Variants in ALDH9A1 observed in about 807,000 individuals in gnomAD.
The protein encoded by ALDH9A1 is aldehyde dehydrogenase 9 family member A1.
A neutral mutation model predicts 56.6 loss-of-function variants in ALDH9A1; 42 were observed. That is an observed-to-expected ratio of 0.74 (90% CI 0.58 to 0.96). ALDH9A1 has a LOEUF of 0.96. Among genes scored for constraint, ALDH9A1 ranks in the 40% least tolerant of loss-of-function variants. ALDH9A1 has a pLI of 0.00. For missense variants in ALDH9A1, 661 were observed against 651.5 expected, an observed-to-expected ratio of 1.01 and a Z score of -0.16; for synonymous variants, 242 against 236.0, an observed-to-expected ratio of 1.03 and a Z score of -0.23.
intron 1 of ALDH9A1, among the ~76,000 whole-genome samples, chr1:165,697,935 G>T (rs1022724271): frequency 2.6e-5 from 4 of 152,096 alleles, no homozygotes; most frequent in African/African-American, 4.8e-5. Context: ...AGGCTGAGGC[G>T]GGAGAAGCAC....
chr1:165,664,948 G>T, intron 10 of ALDH9A1, 70 bp downstream of exon 10: 2 of 1,217,978 alleles, frequency 1.6e-6, no homozygotes, highest in Non-Finnish European at 1.2e-6. Context: ...TAGGAATACT[G>T]GTTTATAAGG....
chr1:165,665,179 C>T, intron 9 of ALDH9A1, 49 bp from the exon 10 acceptor site: 2 of 1,475,950 alleles, frequency 1.4e-6, no homozygotes, highest in Non-Finnish European at 1.9e-6. Flanking sequence ...TCTTAGGCTA[C>T]TACTTTAACA....
intron 8 of ALDH9A1, 58 bp from the exon 9 acceptor site, chr1:165,667,508 C>A: frequency 1.3e-6 from 2 of 1,584,252 alleles, no homozygotes; most frequent in Non-Finnish European, 1.7e-6. Flanking sequence ...GCACCACCAC[C>A]CCCAGCTAAT....
At chr1:165,694,527 T>G (rs1650001374) in intron 2 of ALDH9A1, among the ~76,000 whole-genome samples, 1 of 152,068 alleles carries the variant, frequency 6.6e-6, no homozygotes, top group Non-Finnish European at 1.5e-5. Context: ...AGGGAACATC[T>G]ACAAATCTAT....
At chr1:165,682,948 T>C (rs764469244) in intron 3 of ALDH9A1, 33 bp downstream of exon 3, 2 of 1,606,944 alleles carry the variant, frequency 1.2e-6, no homozygotes, top group Non-Finnish European at 1.7e-6. Context: ...TGCCTCATTA[T>C]CAGCTGGTCA....
chr1:165,695,188 C>T, intron 2 of ALDH9A1, 64 bp downstream of exon 2: 1 of 1,497,276 alleles, frequency 6.7e-7, no homozygotes, highest in African/African-American at 1.4e-5. Context: ...AGTCGAACTG[C>T]AAACATCACA....
intron 2 of ALDH9A1, among the ~76,000 whole-genome samples, chr1:165,686,259 C>T (rs561369597): frequency 1.3e-5 from 2 of 152,242 alleles, no homozygotes; most frequent in East Asian, 3.9e-4. Context: ...CTGGAGTCTA[C>T]TGCCTAGAGA....
Position 165,669,334 on chromosome 1 carries a change from T to C in ALDH9A1, c.1047A>G (p.Thr349=), listed in dbSNP as rs556863426. The C allele has an allele frequency of 9.9e-6, 16 of 1,614,092 alleles. No individual in the cohort carries two copies. The South Asian group carries it at 1.6e-4, about 17-fold the overall frequency. ...GTCGGTTGATGAGTGGACCCATCCT[T>C]GTATCTTCCAGAAGGGGATCTCCAA... The part of the protein sequence containing the change: ...IKIGDPLLED[T]RMGPLINRPH... Residue 349 remains threonine (T), a synonymous_variant, in exon 7 of 11, where the codon ACA becomes ACG. Coordinates refer to ENST00000354775, the MANE Select transcript of ALDH9A1 (RefSeq NM_000696.4).
In ALDH9A1 at chr1:165,695,325, G is replaced by C. The variant is rs1489054379; in HGVS notation, c.254C>G (p.Ala85Gly). The change falls in exon 2 of 11, where the codon GCT (alanine) becomes GGT (glycine). Residue 85 changes from alanine to glycine, a missense_variant. Physicochemically the swap from Ala to Gly is moderately conservative, Grantham distance 60. Transcript: ENST00000354775. ...VNLAVQNAKA[A>G]FKIWSQKSGM... ...AGATTTTTGACTCCATATTTTAAAA[G>C]CAGCCTTTGCATTTTGAACAGCCAA... 6.2e-7 allele frequency: 1 copy of C among 1,613,060 alleles called. No homozygotes were observed. Among genetic ancestry groups the C allele is most frequent in the Non-Finnish European group, 8.5e-7 (1 of 1,179,592 alleles).
chr1:165,669,468 G>T lies in ALDH9A1; in HGVS notation c.931-18C>A. The stretch of plus-strand genomic sequence containing the variant: ...CAGCAAACCTAAAGGACAAACACAA[G>T]ACATCAATTTCTATGTGTGTAAGGA... On this transcript the variant is annotated intron_variant, in intron 6 of 10. Transcript: ENST00000354775. 3 of 1,587,420 alleles carry T rather than the reference G, an allele frequency of 1.9e-6. No homozygotes were observed. Among genetic ancestry groups the T allele is most frequent in the Non-Finnish European group, 2.6e-6 (3 of 1,167,902 alleles).
chr1:165,684,639 C>T (rs774610219), intron 2 of ALDH9A1, among the ~76,000 whole-genome samples: 1 of 152,158 alleles, frequency 6.6e-6, no homozygotes, highest in Non-Finnish European at 1.5e-5. Context: ...CAAGAGGAAA[C>T]TAGGCCCTAG....
chr1:165,676,918 T>C (rs1649381520), intron 6 of ALDH9A1: 1 of 202,316 alleles, frequency 4.9e-6, no homozygotes, highest in Admixed American at 5.7e-5. Context: ...TTGTGTAATG[T>C]CTTTACTGTT....
At chr1:165,679,678 G>A (rs1019338619) in intron 5 of ALDH9A1, 96 bp from the exon 6 acceptor site, 1 of 1,297,792 alleles carries the variant, frequency 7.7e-7, no homozygotes, top group Non-Finnish European at 1.1e-6. Flanking sequence ...ATCTTGAACT[G>A]TTTGTGACCT....
At chr1:165,695,014 A>G (rs972939548) in intron 2 of ALDH9A1, among the ~76,000 whole-genome samples, 1 of 152,166 alleles carries the variant, frequency 6.6e-6, no homozygotes, top group Non-Finnish European at 1.5e-5. Flanking sequence ...GTGCATTATA[A>G]TTCAAAACAA....
intron 2 of ALDH9A1, among the ~76,000 whole-genome samples, chr1:165,689,361 C>T (rs4646885): frequency 0.31 from 47,254 of 152,062 alleles, 7,694 homozygotes; most frequent in South Asian, 0.55. Flanking sequence ...AAATGTAAAC[C>T]TCTTTACTTC....
At chr1:165,672,814 A>T (rs986800957) in intron 6 of ALDH9A1, among the ~76,000 whole-genome samples, 1 of 151,904 alleles carries the variant, frequency 6.6e-6, no homozygotes, top group Non-Finnish European at 1.5e-5. Context: ...CCACATGCCT[A>T]TAGTCCCAGC....
intron 2 of ALDH9A1, among the ~76,000 whole-genome samples, chr1:165,691,973 G>C (rs1239842742): frequency 6.6e-6 from 1 of 151,986 alleles, no homozygotes; most frequent in Non-Finnish European, 1.5e-5. Flanking sequence ...CAAAAACCAC[G>C]ACTATCTCAA....
Position 165,682,260 on chromosome 1 carries a change from T to C in ALDH9A1, c.458-19A>G. 6.2e-7 allele frequency: 1 copy of C among 1,611,296 alleles called. No individual in the cohort carries two copies. Among genetic ancestry groups the C allele is most frequent in the Non-Finnish European group, 8.5e-7 (1 of 1,178,966 alleles). ...TGTTCACCTATGGGGAAAACAGGAG[T>C]AAAGGAGGATGCAGGTCTGTGCTCC... On this transcript the variant is annotated intron_variant, in intron 3 of 10. Coordinates refer to ENST00000354775, the MANE Select transcript of ALDH9A1 (RefSeq NM_000696.4).
At position 165,667,288 on chromosome 1, in the gene ALDH9A1, TCA is replaced by T. The variant is rs764876802; in HGVS notation, c.1349+19_1349+20del. On this transcript the variant is annotated intron_variant, in intron 9 of 10. Transcript: ENST00000354775. ...CAGCCCCGCTCCTTCAAAACTGCTC[TCA>T]GTGTCCCACTCCACATACCTGGTAA... The T allele has an allele frequency of 6.8e-6, 11 of 1,613,722 alleles. No individual in the cohort carries two copies. Among genetic ancestry groups the T allele is most frequent in the Non-Finnish European group, 9.3e-6 (11 of 1,179,760 alleles).
Sources: gnomAD v4.1 joint callset for allele counts (sites outside exome capture counted in the v4.1 genomes callset) on GRCh38, gnomAD v4.1.1 for gene constraint, MANE v1.5 for transcripts, NCBI Gene and HGNC (gene_info 2026-07-23, HGNC 2026-07-21) for gene names.